The following CSMD3 variants were observed in gnomAD, a reference collection of about 807,000 sequenced individuals.
CSMD3 encodes CUB and sushi domain-containing protein 3.
A neutral mutation model predicts 435.2 loss-of-function variants in CSMD3; 177 were observed. That is an observed-to-expected ratio of 0.41 (90% CI 0.36 to 0.46). CSMD3 has a LOEUF of 0.46. CSMD3 is among the 20% of genes least tolerant of loss of function. The pLI, the probability that CSMD3 is intolerant of heterozygous loss-of-function variation, is 0.34. For synonymous variants in CSMD3, 1,656 were observed against 1,520.5 expected, an observed-to-expected ratio of 1.09 and a Z score of -2.07; for missense variants, 4,265 against 4,504.6, an observed-to-expected ratio of 0.95 and a Z score of 1.52.
intron 12 of CSMD3, among the ~76,000 whole-genome samples, chr8:112,826,187 C>T (rs905045528): frequency 6.6e-6 from 1 of 152,188 alleles, no homozygotes; most frequent in Non-Finnish European, 1.5e-5. Context: ...GCCTCTCTGG[C>T]TCCAGCAGAA....
Position 113,173,734 on chromosome 8 carries a change from G to C in CSMD3, c.697C>G (p.Pro233Ala), listed in dbSNP as rs748518371. The stretch of plus-strand genomic sequence containing the variant: ...GTTTTCATTTTACCTCTACAGATAG[G>C]AACAGGAAAATCCCACGAAGCTGTA... Reference protein sequence around the residue: ...VNTASWDFPVPICRAEDACGG... With the variant: ...VNTASWDFPVAICRAEDACGG... The change falls in exon 4 of 71, where the codon CCT (proline) becomes GCT (alanine). Residue 233 changes from proline (P) to alanine (A), a missense_variant. By Grantham distance (27) the Pro-to-Ala change is conservative. Transcript: ENST00000297405. The C allele has an allele frequency of 2.5e-6, 4 of 1,611,818 alleles. No individual in the cohort carries two copies. The highest frequency in any genetic ancestry group is 3.4e-6 in the Non-Finnish European group (4 of 1,178,092).
chr8:113,158,029 A>G (rs995319978), intron 4 of CSMD3, among the ~76,000 whole-genome samples: 2 of 152,132 alleles, frequency 1.3e-5, no homozygotes, highest in African/African-American at 4.8e-5. Flanking sequence ...AGTAAGTAGA[A>G]AAAGAAGGGT....
At chr8:113,423,595 T>C (rs1357366266) in intron 1 of CSMD3, among the ~76,000 whole-genome samples, 1 of 151,978 alleles carries the variant, frequency 6.6e-6, no homozygotes, top group Non-Finnish European at 1.5e-5. Context: ...AAGACCACTT[T>C]CTTCTTTGTT....
intron 13 of CSMD3, among the ~76,000 whole-genome samples, chr8:112,695,341 A>C (rs1357715381): frequency 2.0e-5 from 3 of 152,172 alleles, no homozygotes; most frequent in Non-Finnish European, 4.4e-5. Flanking sequence ...CTTTTATTAT[A>C]CTGTCAATAT....
At chr8:112,718,464 T>G (rs2076782498) in intron 13 of CSMD3, among the ~76,000 whole-genome samples, 1 of 151,634 alleles carries the variant, frequency 6.6e-6, no homozygotes, top group East Asian at 1.9e-4. Context: ...CTCTCTTCAG[T>G]GTTTTATATG....
chr8:112,461,988 T>C (rs983505839), intron 32 of CSMD3, among the ~76,000 whole-genome samples: 1 of 152,300 alleles, frequency 6.6e-6, no homozygotes, highest in East Asian at 1.9e-4. Context: ...AGGAAGTCCC[T>C]TGGGGACAAA....
Position 113,143,963 on chromosome 8 carries a change from C to T in CSMD3, c.709+29759G>A, listed in dbSNP as rs557236922. On this transcript the variant is annotated intron_variant, in intron 4 of 70. Coordinates refer to ENST00000297405, the MANE Select transcript of CSMD3 (RefSeq NM_198123.2). ...AGAAACTGGGTAGTGGATACATGAA[C>T]TTTCTCTGTAATTTTTCTTAAAACT... is the stretch of plus-strand genomic sequence containing the variant. Among the ~76,000 whole-genome samples, 10 of 151,416 alleles carry T rather than the reference C, an allele frequency of 6.6e-5. No homozygotes were observed. In the South Asian group the frequency reaches 1.7e-3, roughly 25 times the overall value.
chr8:112,629,791 T>G (rs1014705389), intron 22 of CSMD3, among the ~76,000 whole-genome samples: 22 of 152,148 alleles, frequency 1.4e-4, no homozygotes, highest in African/African-American at 5.1e-4. Flanking sequence ...TGATACCTGT[T>G]TTTTTAGCAA....
chr8:113,008,695 C>A (rs971392768), intron 6 of CSMD3, among the ~76,000 whole-genome samples: 1 of 151,538 alleles, frequency 6.6e-6, no homozygotes, highest in Non-Finnish European at 1.5e-5. Flanking sequence ...GAACATGCAT[C>A]TTTCTAGTAC....
chr8:112,740,053 T>C (rs1479493612), intron 13 of CSMD3, among the ~76,000 whole-genome samples: 1 of 151,786 alleles, frequency 6.6e-6, no homozygotes, highest in Non-Finnish European at 1.5e-5. Context: ...TTGGAAGGAA[T>C]TTTTATTGGT....
intron 45 of CSMD3, among the ~76,000 whole-genome samples, chr8:112,324,582 G>GGTGT (rs145199349): frequency 6.7e-5 from 10 of 149,166 alleles, no homozygotes; most frequent in East Asian, 5.9e-4. Flanking sequence ...TGTGTGTGTG[G>GGTGT]GTGTGTGTGT....
chr8:112,492,276 T>C (rs573528107), intron 31 of CSMD3, among the ~76,000 whole-genome samples: 1 of 152,254 alleles, frequency 6.6e-6, no homozygotes, highest in South Asian at 2.1e-4. Context: ...AGTACACATA[T>C]TGCTTTAGAG....
At chr8:112,770,182 T>A (rs906120882) in intron 13 of CSMD3, among the ~76,000 whole-genome samples, 2 of 152,050 alleles carry the variant, frequency 1.3e-5, no homozygotes, top group East Asian at 1.9e-4. Flanking sequence ...ACTGTTGCTA[T>A]GTTTTGAATG....
At chr8:112,687,984 G>A (rs926761964) in intron 14 of CSMD3, among the ~76,000 whole-genome samples, 6 of 152,026 alleles carry the variant, frequency 3.9e-5, no homozygotes, top group Non-Finnish European at 7.4e-5. Context: ...ATTAAGGGTC[G>A]GAAATCTTTT....
chr8:112,302,065 T>C, intron 52 of CSMD3, 99 bp from the exon 53 acceptor site: 2 of 829,466 alleles, frequency 2.4e-6, no homozygotes, highest in South Asian at 2.9e-5. Flanking sequence ...TATGATTTGA[T>C]GTATTTACAA....
intron 19 of CSMD3, among the ~76,000 whole-genome samples, chr8:112,648,555 A>G (rs779305752): frequency 4.6e-5 from 7 of 152,212 alleles, no homozygotes; most frequent in Non-Finnish European, 7.3e-5. Flanking sequence ...TAAGCAATAA[A>G]AAGCCATTAA....
At chr8:113,119,824 G>C (rs772725951) in intron 4 of CSMD3, among the ~76,000 whole-genome samples, 4 of 151,996 alleles carry the variant, frequency 2.6e-5, no homozygotes, top group Non-Finnish European at 5.9e-5. Context: ...TTTTTGATTG[G>C]TGTTCTTAAT....
intron 7 of CSMD3, among the ~76,000 whole-genome samples, chr8:112,968,146 T>C (rs1426046152): frequency 6.6e-6 from 1 of 151,940 alleles, no homozygotes; most frequent in Non-Finnish European, 1.5e-5. Context: ...ATAAGTAGAT[T>C]GTTAATCTCT....
At chr8:112,403,170 G>A (rs2129952199) in intron 35 of CSMD3, among the ~76,000 whole-genome samples, 1 of 152,270 alleles carries the variant, frequency 6.6e-6, no homozygotes, top group East Asian at 1.9e-4. Flanking sequence ...ATGTAATTGG[G>A]AAATAGCTTA....
Sources: gnomAD v4.1 joint callset for allele counts (sites outside exome capture counted in the v4.1 genomes callset) on GRCh38, gnomAD v4.1.1 for gene constraint, MANE v1.5 for transcripts, NCBI Gene and HGNC (gene_info 2026-07-23, HGNC 2026-07-21) for gene names.